ARFGEF1: variants seen among roughly 807,000 people sequenced by gnomAD.
ARFGEF1 encodes ARF guanine nucleotide exchange factor 1.
In ARFGEF1, 42 loss-of-function variants were observed where a neutral mutation model predicts 231.0. That is an observed-to-expected ratio of 0.18 (90% CI 0.14 to 0.24). ARFGEF1 has a LOEUF of 0.24. Ranked by LOEUF, ARFGEF1 falls within the 10% of genes least tolerant of loss-of-function variation. The pLI, the probability that ARFGEF1 is intolerant of heterozygous loss-of-function variation, is 1.00. For synonymous variants in ARFGEF1, 710 were observed against 732.3 expected, an observed-to-expected ratio of 0.97 and a Z score of 0.49; for missense variants, 1,345 against 2,192.0, an observed-to-expected ratio of 0.61 and a Z score of 7.72.
chr8:67,249,912 G>A (rs1205723737), intron 19 of ARFGEF1, among the ~76,000 whole-genome samples: 2 of 152,174 alleles, frequency 1.3e-5, no homozygotes, highest in East Asian at 1.9e-4. Flanking sequence ...GTAAGCCACC[G>A]TGCCTAGCTG....
chr8:67,313,787 G>A (rs888024948), intron 1 of ARFGEF1, among the ~76,000 whole-genome samples: 2 of 152,176 alleles, frequency 1.3e-5, no homozygotes, highest in Non-Finnish European at 2.9e-5. Context: ...GTAGTAGTGT[G>A]GAGAGGGACC....
chr8:67,297,483 G>T (rs1432583155), intron 4 of ARFGEF1, among the ~76,000 whole-genome samples: 1 of 152,182 alleles, frequency 6.6e-6, no homozygotes, highest in Non-Finnish European at 1.5e-5. Flanking sequence ...GGAAGGCTGA[G>T]GTGGGAGGAT....
chr8:67,258,006 A>T (rs973078754), intron 16 of ARFGEF1, 79 bp downstream of exon 16: 1 of 1,345,230 alleles, frequency 7.4e-7, no homozygotes, highest in East Asian at 2.3e-5. Context: ...AGGTCCTATT[A>T]TCTGTAAATC....
intron 18 of ARFGEF1, among the ~76,000 whole-genome samples, chr8:67,252,234 G>A (rs1235865485): frequency 3.1e-5 from 4 of 128,404 alleles, no homozygotes; most frequent in Non-Finnish European, 4.6e-5. Flanking sequence ...GTGGCGCCAA[G>A]CCAAGATCGC....
chr8:67,206,433 A>C (rs1372121176), intron 34 of ARFGEF1, among the ~76,000 whole-genome samples: 1 of 151,342 alleles, frequency 6.6e-6, no homozygotes, highest in Non-Finnish European at 1.5e-5. Flanking sequence ...AAAAAAAAAA[A>C]AGTTAAGCTG....
At chr8:67,302,381 CCAAGACTGA>C in intron 2 of ARFGEF1, 46 bp downstream of exon 2, 1 of 1,430,618 alleles carries the variant, frequency 7.0e-7, no homozygotes, top group Non-Finnish European at 9.5e-7. Context: ...ATTATTTTGA[CCAAGACTGA>C]CAAGTTTGAA....
intron 6 of ARFGEF1, among the ~76,000 whole-genome samples, chr8:67,291,415 A>G (rs1269577116): frequency 7.3e-6 from 1 of 136,464 alleles, no homozygotes; most frequent in Non-Finnish European, 1.6e-5. Context: ...ATTTAATTTC[A>G]GTACTTTTTT....
At chr8:67,288,964 A>C (rs1454059172) in intron 6 of ARFGEF1, among the ~76,000 whole-genome samples, 1 of 152,138 alleles carries the variant, frequency 6.6e-6, no homozygotes, top group African/African-American at 2.4e-5. Context: ...AAAAACAAAA[A>C]AAAAACAAAA....
intron 5 of ARFGEF1, chr8:67,177,825 A>G (rs1832051047): frequency 2.3e-6 from 2 of 854,562 alleles, no homozygotes; most frequent in Non-Finnish European, 2.0e-6. Flanking sequence ...TTATTCAGGA[A>G]TATTGAATTA....
intron 4 of ARFGEF1, among the ~76,000 whole-genome samples, 193 bp from the exon 5 acceptor site, chr8:67,296,803 A>C (rs974586833): frequency 1.3e-5 from 2 of 151,934 alleles, no homozygotes; most frequent in African/African-American, 4.8e-5. Flanking sequence ...GGTGAGCACC[A>C]CCACACCCGG....
chr8:67,221,064 T>C (rs903033807), intron 29 of ARFGEF1, among the ~76,000 whole-genome samples: 3 of 152,172 alleles, frequency 2.0e-5, no homozygotes, highest in African/African-American at 7.2e-5. Context: ...GACATTGTAG[T>C]TGAGGCTTTC....
At chr8:67,201,629 G>A in intron 36 of ARFGEF1, 24 bp from the exon 37 acceptor site, 1 of 1,612,356 alleles carries the variant, frequency 6.2e-7, no homozygotes, top group Non-Finnish European at 8.5e-7. Context: ...AAGTTTCTGG[G>A]ATTAGTTTGG....
chr8:67,324,824 T>G (rs1807755734), intron 1 of ARFGEF1, among the ~76,000 whole-genome samples: 2 of 152,290 alleles, frequency 1.3e-5, no homozygotes, highest in South Asian at 2.1e-4. Context: ...ACATTAGCTT[T>G]TAATCCCATG....
chr8:67,215,005 G>C (rs1435775121), intron 33 of ARFGEF1, among the ~76,000 whole-genome samples: 2 of 152,170 alleles, frequency 1.3e-5, no homozygotes, highest in Non-Finnish European at 2.9e-5. Context: ...CAACGGAATT[G>C]TCCCTGCTAA....
At chr8:67,254,008 C>T (rs1311316711) in intron 17 of ARFGEF1, among the ~76,000 whole-genome samples, 1 of 152,162 alleles carries the variant, frequency 6.6e-6, no homozygotes, top group Non-Finnish European at 1.5e-5. Flanking sequence ...CATAAATGTG[C>T]TGTTAATGAA....
chr8:67,190,036 A>G (rs1835783877), intron 5 of ARFGEF1, among the ~76,000 whole-genome samples: 1 of 152,176 alleles, frequency 6.6e-6, no homozygotes, highest in Non-Finnish European at 1.5e-5. Flanking sequence ...CTCAAAATGC[A>G]GAGTAGAGTT....
At chr8:67,175,557 A>C in exon 6 of ARFGEF1, 39 of 1,185,862 alleles carry the variant, frequency 3.3e-5, no homozygotes, top group Non-Finnish European at 4.4e-5. Context: ...CCCCATGCTC[A>C]CAGGGTCCGT....
chr8:67,252,977 A>C (rs575525873), intron 18 of ARFGEF1, among the ~76,000 whole-genome samples: 1 of 152,342 alleles, frequency 6.6e-6, no homozygotes, highest in Non-Finnish European at 1.5e-5. Context: ...TATTGGGTCT[A>C]ACTACTCTTT....
chr8:67,201,417 G>T, intron 37 of ARFGEF1, 50 bp downstream of exon 37: 1 of 1,567,448 alleles, frequency 6.4e-7, no homozygotes, highest in East Asian at 2.3e-5. Flanking sequence ...TTTCCTGCCC[G>T]GCACCACGTG....
Sources: gnomAD v4.1 joint callset for allele counts (sites outside exome capture counted in the v4.1 genomes callset) on GRCh38, gnomAD v4.1.1 for gene constraint, MANE v1.5 for transcripts, NCBI Gene and HGNC (gene_info 2026-07-23, HGNC 2026-07-21) for gene names.